The following CSRP1 variants were observed in gnomAD, a reference collection of about 807,000 sequenced individuals.
CSRP1 encodes cysteine and glycine rich protein 1.
Under a neutral mutation model 25.4 loss-of-function variants are expected in CSRP1, and 16 were observed. The observed-to-expected ratio is 0.63, with a 90% CI of 0.43 to 0.96. The LOEUF is 0.96. Among genes scored for constraint, CSRP1 ranks in the 40% least tolerant of loss-of-function variants. CSRP1 has a pLI of 0.00. For synonymous variants in CSRP1, 97 were observed against 95.3 expected (o/e 1.02, Z -0.10); for missense variants, 212 against 243.6 (o/e 0.87, Z 0.86).
In CSRP1 at chr1:201,483,833, C is replaced by T. The variant is rs1664046184; in HGVS notation, c.*880G>A. 1 of 553,068 alleles carries T rather than the reference C, an allele frequency of 1.8e-6. No individual in the cohort carries two copies. The highest frequency in any genetic ancestry group is 3.3e-6 in the Non-Finnish European group (1 of 303,054). The allele number at this position is 553,068 out of a possible 1,614,324, so 34.3% of individuals were successfully genotyped here. On this transcript the variant is annotated 3_prime_UTR_variant, in exon 6 of 6. Coordinates refer to ENST00000340006, the MANE Select transcript of CSRP1 (RefSeq NM_004078.3). ...TGTTTGGATGAAGACTGAGGCAGTGCCTACCTCCCTCCACATCTGAGGATC... is the reference window on the plus strand; with the variant it reads ...TGTTTGGATGAAGACTGAGGCAGTGTCTACCTCCCTCCACATCTGAGGATC...
At position 201,486,995 on chromosome 1, in the gene CSRP1, A is replaced by T. The variant is rs554505037; in HGVS notation, c.412-1619T>A. The T allele has an allele frequency of 2.2e-5, 29 of 1,301,118 alleles. No homozygotes were observed. The African/African-American group carries it at 4.2e-4, about 19-fold the overall frequency. 80.6% of individuals were successfully genotyped at this position (1,301,118 alleles called of 1,614,324 possible). On this transcript the variant is annotated intron_variant, in intron 4 of 5. Transcript: ENST00000340006. ...CCTTTAGTCAATGGCAAGGATCTTCATTGTGACCTCAAAATAATCCCTGAA... is the reference window on the plus strand; with the variant it reads ...CCTTTAGTCAATGGCAAGGATCTTCTTTGTGACCTCAAAATAATCCCTGAA...
chr1:201,502,832 T>C (rs1223419109), intron 1 of CSRP1, among the ~76,000 whole-genome samples: 1 of 152,136 alleles, frequency 6.6e-6, no homozygotes, highest in Non-Finnish European at 1.5e-5. Context: ...CAGAGCTCCC[T>C]ACTCTTGGAG....
chr1:201,501,782 C>T (rs1009478167), intron 1 of CSRP1, among the ~76,000 whole-genome samples: 2 of 152,082 alleles, frequency 1.3e-5, no homozygotes, highest in Admixed American at 1.3e-4. Context: ...CACTTGAGGT[C>T]AGGAGTTCGA....
chr1:201,502,658 T>C (rs1165477912), intron 1 of CSRP1, among the ~76,000 whole-genome samples: 1 of 152,200 alleles, frequency 6.6e-6, no homozygotes, highest in African/African-American at 2.4e-5. Flanking sequence ...CCAGGCCCCA[T>C]GGGCCTCCAG....
chr1:201,498,481 G>A (rs1664575725), intron 1 of CSRP1, among the ~76,000 whole-genome samples: 1 of 152,218 alleles, frequency 6.6e-6, no homozygotes, highest in Non-Finnish European at 1.5e-5. Context: ...CCTGTCACAT[G>A]GAAATGTTGA....
chr1:201,487,239 C>T (rs1664179123), intron 4 of CSRP1: 1 of 211,372 alleles, frequency 4.7e-6, no homozygotes, highest in Non-Finnish European at 9.8e-6. Context: ...ATGGTCAAAC[C>T]CCATCTTCAC....
chr1:201,502,378 C>T (rs190320040), intron 1 of CSRP1, among the ~76,000 whole-genome samples: 6 of 152,338 alleles, frequency 3.9e-5, no homozygotes, highest in Admixed American at 6.5e-5. Flanking sequence ...TTTGCCTCCA[C>T]GCCCCAGTGT....
chr1:201,506,309 A>G (rs3753987), intron 1 of CSRP1, among the ~76,000 whole-genome samples: 88,415 of 151,838 alleles, frequency 0.58, 27,589 homozygotes, highest in Non-Finnish European at 0.71. Context: ...GCCTGAGCCC[A>G]CTATTGCTCC....
In CSRP1 at chr1:201,484,658, T is replaced by C. The variant is rs1664073331; in HGVS notation, c.*55A>G. 1 of 1,485,790 alleles carries C rather than the reference T, an allele frequency of 6.7e-7. No individual in the cohort carries two copies. Among genetic ancestry groups the C allele is most frequent in the Admixed American group, 1.9e-5 (1 of 52,324 alleles). 92.0% of individuals were successfully genotyped at this position (1,485,790 alleles called of 1,614,324 possible). On this transcript the variant is annotated 3_prime_UTR_variant, in exon 6 of 6. Transcript: ENST00000340006. ...TGGAGGTCTCCAAAGCTGCTGGGAA[T>C]GGAATGGCGATGAAAAGCGCAGGAG...
intron 2 of CSRP1, among the ~76,000 whole-genome samples, chr1:201,494,799 A>C (rs1204365706): frequency 1.3e-5 from 2 of 151,934 alleles, no homozygotes; most frequent in African/African-American, 4.8e-5. Flanking sequence ...GTATCACACC[A>C]TCTTGCTACA....
In CSRP1 at chr1:201,490,229, G is replaced by A. The variant is rs554244394; in HGVS notation, c.228C>T (p.Gly76=). The A allele has an allele frequency of 1.6e-5, 26 of 1,614,182 alleles. No individual in the cohort carries two copies. The African/African-American group carries it at 1.9e-4, about 12-fold the overall frequency. The change falls in exon 3 of 6, where the codon GGC becomes GGT. Residue 76 remains glycine (G), a synonymous_variant. Transcript: ENST00000340006. ...YGPKGYGYGQ[G]AGTLSTDKGE... ...CCTTGTCAGTGCTGAGGGTGCCTGC[G>A]CCCTGCCCGTAGCCATAGCCTTTGG...
chr1:201,498,974 C>G (rs10800785), intron 1 of CSRP1, among the ~76,000 whole-genome samples: 27,205 of 152,060 alleles, frequency 0.18, 2,851 homozygotes, highest in East Asian at 0.48. Flanking sequence ...TCCTCAGGCT[C>G]CCACACATCG....
chr1:201,506,741 C>T (rs1462263629), intron 1 of CSRP1: 1 of 152,290 alleles, frequency 6.6e-6, no homozygotes, highest in Non-Finnish European at 1.5e-5. Context: ...GCCCTCATCT[C>T]TCTGCCATAC....
intron 2 of CSRP1, 54 bp from the exon 3 acceptor site, chr1:201,490,398 T>C (rs764234391): frequency 3.8e-6 from 6 of 1,576,294 alleles, no homozygotes; most frequent in Admixed American, 1.7e-5. Flanking sequence ...GGTGACCTTC[T>C]TGCTCATTGC....
At chr1:201,494,602 T>G (rs1664445244) in intron 2 of CSRP1, among the ~76,000 whole-genome samples, 1 of 152,192 alleles carries the variant, frequency 6.6e-6, no homozygotes, top group African/African-American at 2.4e-5. Context: ...CGGGGTGGCC[T>G]CAGGTGGGTC....
chr1:201,495,441 A>G (rs915945725), intron 2 of CSRP1, among the ~76,000 whole-genome samples: 2 of 152,148 alleles, frequency 1.3e-5, no homozygotes. Context: ...TTCTGCTCTG[A>G]TCACAATGAA....
chr1:201,484,325 C>T lies in CSRP1; in HGVS notation c.*388G>A. 2.0e-6 allele frequency: 1 copy of T among 510,206 alleles called. No homozygotes were observed. Among genetic ancestry groups the T allele is most frequent in the Non-Finnish European group, 3.5e-6 (1 of 284,524 alleles). 31.6% of individuals were successfully genotyped at this position (510,206 alleles called of 1,614,324 possible). A position where few individuals can be genotyped will look rare whatever the true frequency, so the allele number is the denominator to read the frequency against. ...CCTCATCTTGGTCTTGCTTCCCTCT[C>T]CCTCCAGCCTGTTGCTGCTGCTCCT... is the stretch of plus-strand genomic sequence containing the variant. On this transcript the variant is annotated 3_prime_UTR_variant, in exon 6 of 6. Coordinates refer to ENST00000340006, the MANE Select transcript of CSRP1 (RefSeq NM_004078.3).
At chr1:201,505,125 A>G (rs1402067026) in intron 1 of CSRP1, among the ~76,000 whole-genome samples, 1 of 152,142 alleles carries the variant, frequency 6.6e-6, no homozygotes, top group African/African-American at 2.4e-5. Flanking sequence ...AAAAGCCCAA[A>G]AAAAACCTAC....
intron 1 of CSRP1, among the ~76,000 whole-genome samples, chr1:201,502,782 G>A (rs1385366730): frequency 6.6e-6 from 1 of 152,110 alleles, no homozygotes; most frequent in Non-Finnish European, 1.5e-5. Flanking sequence ...GGCGGTATAT[G>A]TCTCTCCCTT....
Sources: allele counts gnomAD v4.1 joint callset (sites outside exome capture counted in the v4.1 genomes callset), GRCh38; gene constraint gnomAD v4.1.1; transcripts MANE v1.5; gene names NCBI Gene and HGNC (gene_info 2026-07-23, HGNC 2026-07-21).